PREX2: variants seen among roughly 807,000 people sequenced by gnomAD.
PREX2 encodes the protein phosphatidylinositol 3,4,5-trisphosphate-dependent Rac exchanger 2 protein.
A neutral mutation model predicts 203.2 loss-of-function variants in PREX2; 107 were observed. The observed-to-expected ratio is 0.53, with a 90% CI of 0.45 to 0.62. The LOEUF is 0.62. Among genes scored for constraint, PREX2 ranks in the 20% least tolerant of loss-of-function variants. The pLI is 0.00. For synonymous variants in PREX2, 672 were observed against 663.6 expected (o/e 1.01, Z -0.19); for missense variants, 1,777 against 1,955.9 (o/e 0.91, Z 1.72).
At chr8:68,060,040 C>T (rs1808801813) in intron 10 of PREX2, among the ~76,000 whole-genome samples, 1 of 152,204 alleles carries the variant, frequency 6.6e-6, no homozygotes, top group African/African-American at 2.4e-5. Flanking sequence ...AGTCTACTGA[C>T]TTGGAGTTTT....
chr8:68,171,408 G>T (rs904261983), intron 35 of PREX2, among the ~76,000 whole-genome samples: 3 of 152,038 alleles, frequency 2.0e-5, no homozygotes, highest in Non-Finnish European at 4.4e-5. Context: ...GAAATGTCTG[G>T]CCAGAAGTGT....
intron 31 of PREX2, among the ~76,000 whole-genome samples, chr8:68,130,850 G>C (rs16934207): frequency 0.2 from 30,805 of 152,198 alleles, 3,343 homozygotes; most frequent in African/African-American, 0.29. Context: ...GTGACCAGAA[G>C]AAGAGCCCCA....
chr8:68,142,368 C>T (rs1045168346), intron 33 of PREX2, among the ~76,000 whole-genome samples: 2 of 152,146 alleles, frequency 1.3e-5, no homozygotes, highest in South Asian at 4.1e-4. Flanking sequence ...TTTTTCAGAA[C>T]ATCATATAGT....
At chr8:68,119,982 G>T (rs148574869) in intron 28 of PREX2, among the ~76,000 whole-genome samples, 51 of 152,128 alleles carry the variant, frequency 3.4e-4, no homozygotes, top group African/African-American at 1.2e-3. Context: ...TTTATATTTT[G>T]TGTTAATATA....
At chr8:67,953,764 GGC>G (rs1248831735) in intron 1 of PREX2, among the ~76,000 whole-genome samples, 1 of 152,068 alleles carries the variant, frequency 6.6e-6, no homozygotes, top group East Asian at 1.9e-4. Context: ...GACTTCCAGG[GGC>G]CACATTCTCT....
intron 38 of PREX2, among the ~76,000 whole-genome samples, chr8:68,222,345 G>A (rs1490924468): frequency 6.6e-6 from 1 of 151,224 alleles, no homozygotes; most frequent in African/African-American, 2.4e-5. Context: ...AGAAAATAAA[G>A]GAGTACTAAA....
In PREX2 at chr8:68,157,529, A is replaced by G. The variant is rs1811564463; in HGVS notation, c.4346+93A>G. 9.3e-6 allele frequency: 5 copies of G among 537,980 alleles called. No individual in the cohort carries two copies. In the South Asian group the frequency reaches 1.9e-4, roughly 21 times the overall value. 33.3% of individuals were successfully genotyped at this position (537,980 alleles called of 1,614,324 possible). On this transcript the variant is annotated intron_variant, in intron 35 of 39. Coordinates refer to ENST00000288368, the MANE Select transcript of PREX2 (RefSeq NM_024870.4). ...TTGATGCTATTTATCATATTAGATT[A>G]TTAATGACATTTCTTTTGATATAAA...
chr8:67,968,584 C>T (rs1805839068), intron 1 of PREX2, among the ~76,000 whole-genome samples: 1 of 152,170 alleles, frequency 6.6e-6, no homozygotes, highest in Non-Finnish European at 1.5e-5. Flanking sequence ...TATGTGCTTT[C>T]TTCTTCCTGT....
chr8:68,018,342 G>C (rs539412388), intron 2 of PREX2, among the ~76,000 whole-genome samples: 1 of 151,984 alleles, frequency 6.6e-6, no homozygotes, highest in Admixed American at 6.6e-5. Flanking sequence ...TAGCACATGC[G>C]TGTAATCCTA....
At chr8:68,174,973 G>A (rs1811950850) in intron 35 of PREX2, among the ~76,000 whole-genome samples, 1 of 152,202 alleles carries the variant, frequency 6.6e-6, no homozygotes, top group African/African-American at 2.4e-5. Flanking sequence ...GCACAGCACT[G>A]AGGATACAGA....
intron 1 of PREX2, among the ~76,000 whole-genome samples, chr8:67,993,400 C>CTTTT (rs5892121): frequency 7.4e-5 from 8 of 108,224 alleles, no homozygotes; most frequent in Admixed American, 9.8e-5. Context: ...TTACTTCAGT[C>CTTTT]TTTTTTTTTT....
chr8:68,143,631 C>G (rs1811268749), intron 33 of PREX2, among the ~76,000 whole-genome samples: 1 of 152,020 alleles, frequency 6.6e-6, no homozygotes, highest in Non-Finnish European at 1.5e-5. Flanking sequence ...ATATTTTCTC[C>G]CAGTCTGTTG....
intron 30 of PREX2, 76 bp downstream of exon 30, chr8:68,121,125 G>T: frequency 7.0e-7 from 1 of 1,435,204 alleles, no homozygotes. Context: ...CAAAAGTTTG[G>T]TAATGCCTGA....
At chr8:68,097,300 T>G in intron 22 of PREX2, 99 bp downstream of exon 22, 1 of 922,482 alleles carries the variant, frequency 1.1e-6, no homozygotes, top group Non-Finnish European at 1.6e-6. Flanking sequence ...GCTATACATG[T>G]TGCAGCTGTC....
In PREX2 at chr8:68,017,900, A is replaced by G; in HGVS notation, c.196A>G (p.Thr66Ala). 1.2e-6 allele frequency: 2 copies of G among 1,612,178 alleles called. No individual in the cohort carries two copies. Among genetic ancestry groups the G allele is most frequent in the Non-Finnish European group, 1.7e-6 (2 of 1,178,776 alleles). ...CAASKVDKNVTEETVKMLFSN... is the reference protein window; with the variant it reads ...CAASKVDKNVAEETVKMLFSN... Reference sequence around the variant, plus strand: ...AGCATCAAAAGTTGACAAAAATGTGACAGAAGAAACAGTGAAGGTGAGGAG... The same window carrying G: ...AGCATCAAAAGTTGACAAAAATGTGGCAGAAGAAACAGTGAAGGTGAGGAG... Residue 66 changes from threonine to alanine, a missense_variant, in exon 2 of 40, where the codon ACA (threonine) becomes GCA (alanine). Thr to Ala is a moderately conservative substitution (Grantham distance 58). Transcript: ENST00000288368.
chr8:68,045,438 T>C (rs1336711525), intron 8 of PREX2, among the ~76,000 whole-genome samples: 1 of 152,124 alleles, frequency 6.6e-6, no homozygotes, highest in African/African-American at 2.4e-5. Flanking sequence ...ACCTTCATTG[T>C]CACTCTGGGG....
At chr8:68,111,780 C>CT (rs1810540505) in intron 25 of PREX2, among the ~76,000 whole-genome samples, 1 of 152,168 alleles carries the variant, frequency 6.6e-6, no homozygotes, top group Admixed American at 6.5e-5. Flanking sequence ...TCCCCCTTGC[C>CT]TTTAATATTC....
At position 68,027,897 on chromosome 8, in the gene PREX2, A is replaced by T. The variant is rs114678830; in HGVS notation, c.543+574A>T. ...TGTAGGTTTGTTGCCTCATTATAGTAACCACAATTTTTATTATGAAAAATA... is the reference window on the plus strand; with the variant it reads ...TGTAGGTTTGTTGCCTCATTATAGTTACCACAATTTTTATTATGAAAAATA... On this transcript the variant is annotated intron_variant, in intron 5 of 39. Coordinates refer to ENST00000288368, the MANE Select transcript of PREX2 (RefSeq NM_024870.4). 7.6e-3 allele frequency among the ~76,000 whole-genome samples: 1,155 copies of T among 152,216 alleles called. 21 individuals are homozygous for T. Among genetic ancestry groups the T allele is most frequent in the African/African-American group, 0.026 (1,073 of 41,536 alleles).
At chr8:68,026,770 A>T (rs1473979457) in intron 4 of PREX2, among the ~76,000 whole-genome samples, 1 of 152,148 alleles carries the variant, frequency 6.6e-6, no homozygotes, top group Non-Finnish European at 1.5e-5. Context: ...TTCTGAAATC[A>T]ACCCAAGTTG....
Sources: gnomAD v4.1 joint callset for allele counts (sites outside exome capture counted in the v4.1 genomes callset) on GRCh38, gnomAD v4.1.1 for gene constraint, MANE v1.5 for transcripts, NCBI Gene and HGNC (gene_info 2026-07-23, HGNC 2026-07-21) for gene names.